CELF2: variants seen among roughly 807,000 people sequenced by gnomAD.
The protein encoded by CELF2 is CUGBP Elav-like family member 2, also known as CUG triplet repeat RNA-binding protein 2.
A neutral mutation model predicts 62.6 loss-of-function variants in CELF2; 8 were observed. The ratio of observed to expected loss-of-function variants is 0.13; its 90% confidence interval spans 0.07 to 0.23. CELF2 has a LOEUF of 0.23. Among genes scored for constraint, CELF2 ranks in the 10% least tolerant of loss-of-function variants. CELF2 has a pLI of 1.00. For synonymous variants in CELF2, 258 were observed against 250.0 expected, an observed-to-expected ratio of 1.03 and a Z score of -0.30; for missense variants, 333 against 671.0, an observed-to-expected ratio of 0.50 and a Z score of 5.56.
chr10:10,628,275 T>C, the CELF2 span, among the ~76,000 whole-genome samples: 1 of 134,510 alleles, frequency 7.4e-6, no homozygotes, highest in African/African-American at 2.5e-5. Flanking sequence ...ATGTTATCAG[T>C]ATCCTCATGT....
intron 2 of CELF2, among the ~76,000 whole-genome samples, chr10:11,173,348 T>C (rs660676): frequency 0.36 from 54,464 of 152,082 alleles, 11,534 homozygotes; most frequent in African/African-American, 0.59. Flanking sequence ...TGCCTTTCCT[T>C]GCTTTCGCTC....
the CELF2 span, among the ~76,000 whole-genome samples, chr10:10,659,337 T>G: frequency 6.6e-6 from 1 of 152,220 alleles, no homozygotes; most frequent in Non-Finnish European, 1.5e-5. Context: ...AATATTTATG[T>G]TATCAAGTCT....
At position 11,207,637 on chromosome 10, in the gene CELF2, C is replaced by T. The variant is rs2060757801; in HGVS notation, c.272-9788C>T. ...CCAGTGTAAGTTTCCCAGGGGAATT[C>T]CTGGGATGGCACTTGGTAATCCAAA... is the stretch of plus-strand genomic sequence containing the variant. On this transcript the variant is annotated intron_variant, in intron 2 of 12. Transcript: ENST00000633077. The surrounding 1 kb of genome is among the most constrained non-coding windows in gnomAD (Gnocchi z 4.1). Among the ~76,000 whole-genome samples, 1 of 152,234 alleles carries T rather than the reference C, an allele frequency of 6.6e-6. No individual in the cohort carries two copies. The highest frequency in any genetic ancestry group is 2.4e-5 in the African/African-American group (1 of 41,462).
At chr10:11,241,773 G>A (rs951621835) in intron 3 of CELF2, among the ~76,000 whole-genome samples, 7 of 152,172 alleles carry the variant, frequency 4.6e-5, no homozygotes, top group African/African-American at 1.7e-4. Context: ...ACCTGTGTGG[G>A]TTGGGGGTGT....
chr10:10,978,513 G>A (rs2051641204), intron 2 of CELF2, among the ~76,000 whole-genome samples: 1 of 152,132 alleles, frequency 6.6e-6, no homozygotes, highest in Non-Finnish European at 1.5e-5. Flanking sequence ...TGGTTTGTGT[G>A]TTTTAAAGAC....
At chr10:10,963,916 T>C (rs2049836195) in intron 2 of CELF2, among the ~76,000 whole-genome samples, 2 of 152,202 alleles carry the variant, frequency 1.3e-5, no homozygotes, top group Admixed American at 1.3e-4. Context: ...ACACATTTCC[T>C]GAGTTCTCTC....
In CELF2 at chr10:11,145,972, C is replaced by T. The variant is rs969593467; in HGVS notation, c.75-19514C>T. On this transcript the variant is annotated intron_variant, in intron 1 of 12. Transcript: ENST00000633077. The surrounding 1 kb of genome is among the most constrained non-coding windows in gnomAD (Gnocchi z 4.3). ...AACATTGTGAGAATACCTACCTGTACTCTCCTCTGGTACTTTTAGACGGTG... is the reference window on the plus strand; with the variant it reads ...AACATTGTGAGAATACCTACCTGTATTCTCCTCTGGTACTTTTAGACGGTG... Among the ~76,000 whole-genome samples the T allele has an allele frequency of 6.6e-6, 1 of 152,150 alleles. No individual in the cohort carries two copies. The highest frequency in any genetic ancestry group is 1.5e-5 in the Non-Finnish European group (1 of 68,034).
chr10:11,062,129 G>A (rs1277374894), intron 1 of CELF2, among the ~76,000 whole-genome samples: 1 of 152,056 alleles, frequency 6.6e-6, no homozygotes, highest in African/African-American at 2.4e-5. Context: ...TTATGCCTAC[G>A]GTTGAGACCT....
the CELF2 span, among the ~76,000 whole-genome samples, chr10:10,525,950 A>T: frequency 6.6e-6 from 1 of 152,224 alleles, no homozygotes. Flanking sequence ...CCAACCATAT[A>T]CAATGGCTCT....
chr10:10,932,503 G>A (rs1056220287), intron 2 of CELF2, among the ~76,000 whole-genome samples: 4 of 152,052 alleles, frequency 2.6e-5, no homozygotes, highest in Non-Finnish European at 5.9e-5. Context: ...ACATCACAAT[G>A]TACCCTATAA....
chr10:10,938,970 C>G lies in CELF2; in HGVS notation c.89+18971C>G, dbSNP rs2046717864. Among the ~76,000 whole-genome samples the G allele has an allele frequency of 6.6e-6, 1 of 152,220 alleles. No homozygotes were observed. Among genetic ancestry groups the G allele is most frequent in the African/African-American group, 2.4e-5 (1 of 41,456 alleles). On this transcript the variant is annotated intron_variant, in intron 2 of 13. Coordinates refer to the CELF2 transcript ENST00000636488. This position sits in a 1 kb window ranked among gnomAD's most constrained non-coding sequence, Gnocchi z 4.2. ...GCTCCTGCAGCAGCAAAATCCCTCT[C>G]TGAAAGTCAGAAAGCCTGAGATCCA...
intron 2 of CELF2, among the ~76,000 whole-genome samples, chr10:10,991,926 A>T (rs973840046): frequency 1.3e-5 from 2 of 152,018 alleles, no homozygotes; most frequent in Non-Finnish European, 1.5e-5. Context: ...GCCTTTCTCT[A>T]CTATAGTTCT....
chr10:10,521,563 G>T, the CELF2 span, among the ~76,000 whole-genome samples: 2 of 152,134 alleles, frequency 1.3e-5, no homozygotes, highest in African/African-American at 2.4e-5. Flanking sequence ...TCAGTAAACT[G>T]CTAGATCCTG....
intron 9 of CELF2, among the ~76,000 whole-genome samples, chr10:11,308,805 C>T (rs571612067): frequency 2.6e-5 from 4 of 151,710 alleles, no homozygotes; most frequent in East Asian, 1.9e-4. Context: ...AAAATGCTGC[C>T]GTTTGCCATT....
chr10:10,697,179 G>A, the CELF2 span, among the ~76,000 whole-genome samples: 1 of 152,084 alleles, frequency 6.6e-6, no homozygotes, highest in Non-Finnish European at 1.5e-5. Context: ...GGGGTATGTT[G>A]AGCATAAAGC....
At chr10:10,628,378 T>C in the CELF2 span, among the ~76,000 whole-genome samples, 1 of 152,180 alleles carries the variant, frequency 6.6e-6, no homozygotes, top group Admixed American at 6.6e-5. Context: ...AACTCATTTA[T>C]GGAACACCTA....
At position 11,227,356 on chromosome 10, in the gene CELF2, G is replaced by A. The variant is rs1565419324; in HGVS notation, c.354+9849G>A. Among the ~76,000 whole-genome samples, 2 of 152,346 alleles carry A rather than the reference G, an allele frequency of 1.3e-5. No individual in the cohort carries two copies. Among genetic ancestry groups the A allele is most frequent in the South Asian group, 4.1e-4 (2 of 4,828 alleles). On this transcript the variant is annotated intron_variant, in intron 3 of 12. Coordinates refer to ENST00000633077, the MANE Select transcript of CELF2 (RefSeq NM_001326342.2). This position sits in a 1 kb window ranked among gnomAD's most constrained non-coding sequence, Gnocchi z 4.8. ...CCACAAACCAGGGCACTGAGAGGTA[G>A]AACCAGGCAGCCCACGCCACAGATG...
the CELF2 span, among the ~76,000 whole-genome samples, chr10:10,664,210 G>T: frequency 2.0e-5 from 3 of 152,144 alleles, no homozygotes; most frequent in Non-Finnish European, 2.9e-5. Context: ...ATATAATAAT[G>T]GTTATAACAA....
At chr10:10,958,048 G>A (rs984884464) in intron 2 of CELF2, among the ~76,000 whole-genome samples, 61 of 152,318 alleles carry the variant, frequency 4.0e-4, no homozygotes, top group African/African-American at 1.3e-3. Context: ...GTAAGTAAGT[G>A]AGTCTAGCAG....
Sources: gnomAD v4.1 joint callset for allele counts (sites outside exome capture counted in the v4.1 genomes callset) on GRCh38, gnomAD v4.1.1 for gene constraint, Gnocchi (gnomAD v3.1) non-coding constraint, MANE v1.5 for transcripts, NCBI Gene and HGNC (gene_info 2026-07-23, HGNC 2026-07-21) for gene names.